The following TPRG1 variants were observed in gnomAD, a reference collection of about 807,000 sequenced individuals.
TPRG1 encodes the protein tumor protein p63-regulated gene 1 protein.
A neutral mutation model predicts 29.3 loss-of-function variants in TPRG1; 29 were observed. That is an observed-to-expected ratio of 0.99 (90% CI 0.74 to 1.35). The LOEUF (loss-of-function observed/expected upper bound fraction) is 1.35, where lower values mean the gene tolerates loss of function less well. Ranked by LOEUF, TPRG1 falls within the 40% of genes most tolerant of loss-of-function variation. The pLI is 0.00. For missense variants in TPRG1, 327 were observed against 335.0 expected, an observed-to-expected ratio of 0.98 and a Z score of 0.19; for synonymous variants, 130 against 116.8, an observed-to-expected ratio of 1.11 and a Z score of -0.73.
rs560354549 is a variant in TPRG1, at chr3:189,006,201, C to T, written c.-660+1441C>T. Among the ~76,000 whole-genome samples, 11 of 152,196 alleles carry T rather than the reference C, an allele frequency of 7.2e-5. No homozygotes were observed. The South Asian group carries it at 2.1e-3, about 29-fold the overall frequency. ...AGCACACTTTCTTGCAGTACAGGGG[C>T]TGGGTTCAAGTCTAGATTTTGTCTC... On this transcript the variant is annotated intron_variant, in intron 3 of 10. Transcript: ENST00000433971.
intron 3 of TPRG1, among the ~76,000 whole-genome samples, chr3:189,218,206 G>A (rs1736371736): frequency 6.6e-6 from 1 of 151,954 alleles, no homozygotes; most frequent in Admixed American, 6.6e-5. Context: ...TCTGCCTCCC[G>A]GGGTTCACAC....
chr3:189,213,969 C>T (rs1273624150), intron 2 of TPRG1, among the ~76,000 whole-genome samples: 1 of 151,904 alleles, frequency 6.6e-6, no homozygotes, highest in East Asian at 1.9e-4. Flanking sequence ...TTTTTGCTAT[C>T]CAAAAATAAG....
intron 1 of TPRG1, among the ~76,000 whole-genome samples, chr3:189,126,841 G>A (rs1407327423): frequency 6.6e-6 from 1 of 152,170 alleles, no homozygotes; most frequent in African/African-American, 2.4e-5. Context: ...ACCAAACCCT[G>A]TAGGGAAAGA....
intron 2 of TPRG1, among the ~76,000 whole-genome samples, chr3:189,214,119 G>A (rs1034084382): frequency 3.9e-5 from 6 of 152,130 alleles, no homozygotes; most frequent in African/African-American, 1.4e-4. Context: ...TTTTCCATAA[G>A]CGAGGCAAAT....
chr3:189,266,701 A>G (rs1278471199), intron 4 of TPRG1, among the ~76,000 whole-genome samples: 1 of 152,154 alleles, frequency 6.6e-6, no homozygotes, highest in Non-Finnish European at 1.5e-5. Context: ...TAAACCCCAT[A>G]AATGGCTCCC....
intron 1 of TPRG1, among the ~76,000 whole-genome samples, chr3:189,118,899 C>G (rs1721499698): frequency 6.6e-6 from 1 of 152,208 alleles, no homozygotes; most frequent in African/African-American, 2.4e-5. Context: ...AATGTGGGGT[C>G]AGAGCCCTAA....
chr3:189,017,072 C>T (rs958111367), intron 3 of TPRG1, among the ~76,000 whole-genome samples: 1 of 152,002 alleles, frequency 6.6e-6, no homozygotes, highest in African/African-American at 2.4e-5. Context: ...TCAGGTACCC[C>T]AATCAGTTGT....
upstream of TPRG1, among the ~76,000 whole-genome samples, chr3:189,099,877 G>A (rs879435650): frequency 6.6e-6 from 1 of 152,146 alleles, no homozygotes; most frequent in Admixed American, 6.5e-5. Flanking sequence ...CAAACACTTA[G>A]AGGAGGCTCA....
At chr3:189,249,202 G>A (rs1579029602) in intron 4 of TPRG1, among the ~76,000 whole-genome samples, 1 of 151,748 alleles carries the variant, frequency 6.6e-6, no homozygotes, top group Non-Finnish European at 1.5e-5. Flanking sequence ...CATAGATTGA[G>A]ATAGGATAAA....
intron 4 of TPRG1, among the ~76,000 whole-genome samples, chr3:189,094,406 C>T (rs116233020): frequency 1.5e-3 from 233 of 152,250 alleles, no homozygotes; most frequent in African/African-American, 5.0e-3. Flanking sequence ...TCCACTATGC[C>T]TCTGCATGCC....
intron 1 of TPRG1, among the ~76,000 whole-genome samples, chr3:189,183,608 C>T (rs12491585): frequency 0.074 from 11,223 of 151,964 alleles, 577 homozygotes; most frequent in Admixed American, 0.17. Flanking sequence ...CACCCCCAGG[C>T]ACATATTCTC....
chr3:189,049,919 A>G (rs1164670026), intron 4 of TPRG1, among the ~76,000 whole-genome samples: 1 of 152,216 alleles, frequency 6.6e-6, no homozygotes, highest in African/African-American at 2.4e-5. Flanking sequence ...AACCTCTGGG[A>G]TACAGCAAAT....
At chr3:189,225,759 G>T (rs778691848) in intron 3 of TPRG1, among the ~76,000 whole-genome samples, 18 of 152,172 alleles carry the variant, frequency 1.2e-4, no homozygotes, top group Non-Finnish European at 2.4e-4. Context: ...AGAGCAAGAA[G>T]GGTGAAGAGA....
At chr3:189,101,630 A>G (rs1156977829) in intron 1 of TPRG1, among the ~76,000 whole-genome samples, 2 of 151,972 alleles carry the variant, frequency 1.3e-5, no homozygotes, top group African/African-American at 4.8e-5. Context: ...ACTTTCAGAA[A>G]CTTCAGGATC....
chr3:189,074,701 C>T (rs965969575), intron 4 of TPRG1, among the ~76,000 whole-genome samples: 8 of 151,636 alleles, frequency 5.3e-5, no homozygotes, highest in African/African-American at 1.9e-4. Context: ...TTGTTATATC[C>T]ATATATTCTT....
At chr3:189,254,659 A>T (rs1248501354) in intron 4 of TPRG1, among the ~76,000 whole-genome samples, 3 of 152,152 alleles carry the variant, frequency 2.0e-5, no homozygotes, top group Non-Finnish European at 2.9e-5. Context: ...ATGAGCATGG[A>T]ATGTTTTTCC....
intron 1 of TPRG1, among the ~76,000 whole-genome samples, chr3:189,123,947 G>A (rs149202579): frequency 6.6e-6 from 1 of 152,274 alleles, no homozygotes; most frequent in East Asian, 1.9e-4. Flanking sequence ...TCACCTATTT[G>A]CCAATTAGAG....
intron 1 of TPRG1, among the ~76,000 whole-genome samples, chr3:189,181,635 G>T (rs1730237021): frequency 6.6e-6 from 1 of 152,144 alleles, no homozygotes; most frequent in African/African-American, 2.4e-5. Context: ...ATTATTATCA[G>T]CATTTTAGTC....
At chr3:189,132,993 C>T (rs1209438928) in intron 3 of TPRG1, among the ~76,000 whole-genome samples, 6 of 151,998 alleles carry the variant, frequency 3.9e-5, no homozygotes, top group African/African-American at 9.6e-5. Flanking sequence ...ACACTATGAA[C>T]GGAAATATGT....
Sources: allele counts gnomAD v4.1 joint callset (sites outside exome capture counted in the v4.1 genomes callset), GRCh38; gene constraint gnomAD v4.1.1; transcripts MANE v1.5; gene names NCBI Gene and HGNC (gene_info 2026-07-23, HGNC 2026-07-21).